The following SWT1 variants were observed in gnomAD, a reference collection of about 807,000 sequenced individuals.
SWT1 encodes the protein SWT1 RNA endoribonuclease homolog.
SWT1 carries 33 observed loss-of-function variants against 107.3 expected under a neutral mutation model. That is an observed-to-expected ratio of 0.31 (90% confidence interval 0.23 to 0.41). SWT1 has a LOEUF of 0.41. Ranked by LOEUF, SWT1 falls within the 10% of genes least tolerant of loss-of-function variation. The pLI is 1.00. For missense variants in SWT1, 898 were observed against 1,028.9 expected (o/e 0.87, Z 1.74); for synonymous variants, 345 against 348.3 (o/e 0.99, Z 0.11).
chr1:185,270,100 T>C (rs1184736770), intron 16 of SWT1, among the ~76,000 whole-genome samples: 2 of 152,182 alleles, frequency 1.3e-5, no homozygotes, highest in Non-Finnish European at 2.9e-5. Context: ...TTATAGTAAT[T>C]AATTTAATTC....
At position 185,202,951 on chromosome 1, in the gene SWT1, G is replaced by C. The variant is rs559513847; in HGVS notation, c.1669+152G>C. ...TGGCATGTAAGTCATTGAATAAATG[G>C]AAGTTATGATGGTAATCCAAAAGAA... On this transcript the variant is annotated intron_variant, in intron 11 of 18. Coordinates refer to ENST00000367500, the MANE Select transcript of SWT1 (RefSeq NM_017673.7). 87 of 445,318 alleles carry C rather than the reference G, an allele frequency of 2.0e-4. 1 individual carries two copies. Among genetic ancestry groups the C allele is most frequent in the Non-Finnish European group, 3.2e-4 (82 of 258,834 alleles). The allele number at this position is 445,318 out of a possible 1,614,324, so 27.6% of individuals were successfully genotyped here. A position where few individuals can be genotyped will look rare whatever the true frequency, so the allele number is the denominator to read the frequency against.
rs144232978 is a variant in SWT1 at position 185,286,831 on chromosome 1, T to C, written c.2574-3843T>C. ...CTGGCTAGAACTTCTAGTACAATGTTGAATAGTACAAAGTTGTACAAAGTT... is the reference window on the plus strand; with the variant it reads ...CTGGCTAGAACTTCTAGTACAATGTCGAATAGTACAAAGTTGTACAAAGTT... On this transcript the variant is annotated intron_variant, in intron 18 of 18. Coordinates refer to ENST00000367500, the MANE Select transcript of SWT1 (RefSeq NM_017673.7). Among the ~76,000 whole-genome samples the C allele has an allele frequency of 1.7e-3, 257 of 152,286 alleles. 2 individuals are homozygous for C. The Middle Eastern group carries it at 0.017, about 10-fold the overall frequency.
chr1:185,166,256 G>A (rs754939633), intron 2 of SWT1, among the ~76,000 whole-genome samples: 5 of 152,214 alleles, frequency 3.3e-5, no homozygotes, highest in Non-Finnish European at 7.3e-5. Flanking sequence ...GTGGATGTGT[G>A]GTTTTGCATT....
rs1665217752 is a variant in SWT1 at position 185,290,903 on chromosome 1, A to G, written c.*100A>G. 9.8e-7 allele frequency: 1 copy of G among 1,023,236 alleles called. No homozygotes were observed. Among genetic ancestry groups the G allele is most frequent in the Non-Finnish European group, 1.4e-6 (1 of 722,530 alleles). 63.4% of individuals were successfully genotyped at this position (1,023,236 alleles called of 1,614,324 possible). ...TTTGGGCCAAACCCAAGAGAATTTT[A>G]AGAAATGTTTCATAGGTATAAAAAG... On this transcript the variant is annotated 3_prime_UTR_variant, in exon 19 of 19. Transcript: ENST00000367500.
At chr1:185,274,194 T>A (rs969418787) in intron 17 of SWT1, among the ~76,000 whole-genome samples, 4 of 150,734 alleles carry the variant, frequency 2.7e-5, no homozygotes, top group Non-Finnish European at 5.9e-5. Context: ...AAGAAAAAAA[T>A]TTAAAAATTA....
chr1:185,271,845 C>T (rs925294593), intron 17 of SWT1, among the ~76,000 whole-genome samples: 3 of 152,164 alleles, frequency 2.0e-5, no homozygotes, highest in South Asian at 2.1e-4. Flanking sequence ...ATCCCCTCCT[C>T]CCTGCCAGTG....
At position 185,196,554 on chromosome 1, in the gene SWT1, G is replaced by C. The variant is rs574285898; in HGVS notation, c.1523+5912G>C. 2.6e-5 allele frequency among the ~76,000 whole-genome samples: 4 copies of C among 152,248 alleles called. No individual in the cohort carries two copies. The South Asian group carries it at 8.3e-4, about 32-fold the overall frequency. On this transcript the variant is annotated intron_variant, in intron 10 of 18. Transcript: ENST00000367500. ...ATGGTAGCTTGATCAGGATAGCATTGAATCAATAAATTACTTTGGGCATTG... is the reference window on the plus strand; with the variant it reads ...ATGGTAGCTTGATCAGGATAGCATTCAATCAATAAATTACTTTGGGCATTG...
At position 185,177,690 on chromosome 1, in the gene SWT1, G is replaced by A. The variant is rs377187737; in HGVS notation, c.966+2577G>A. Among the ~76,000 whole-genome samples the A allele has an allele frequency of 2.0e-5, 3 of 152,086 alleles. No homozygotes were observed. The East Asian group carries it at 5.8e-4, about 29-fold the overall frequency. On this transcript the variant is annotated intron_variant, in intron 5 of 18. Coordinates refer to ENST00000367500, the MANE Select transcript of SWT1 (RefSeq NM_017673.7). ...AGTATACTTTACAAGGAAAATAATT[G>A]TATTTTCTTTTTCTGGATTTAGTTA... is the stretch of plus-strand genomic sequence containing the variant.
rs150666135 is a variant in SWT1, at chr1:185,260,148, G to C, written c.2442-11175G>C. ...ATGATGGCTTAGGTGGTACCAAATA[G>C]ATAAGGGAAATCATCCTTAAGCCCA... On this transcript the variant is annotated intron_variant, in intron 16 of 18. Transcript: ENST00000367500. Among the ~76,000 whole-genome samples, 9 of 152,238 alleles carry C rather than the reference G, an allele frequency of 5.9e-5. No individual in the cohort carries two copies. The East Asian group carries it at 1.7e-3, about 29-fold the overall frequency.
At chr1:185,287,859 T>C (rs1024504182) in intron 18 of SWT1, among the ~76,000 whole-genome samples, 2 of 152,206 alleles carry the variant, frequency 1.3e-5, no homozygotes, top group African/African-American at 4.8e-5. Context: ...GATAATCCAT[T>C]GTCCAGAATA....
At chr1:185,281,245 C>A in intron 18 of SWT1, 1 of 213,912 alleles carries the variant, frequency 4.7e-6, no homozygotes, top group Non-Finnish European at 9.5e-6. Context: ...TGATGTGAAA[C>A]CCAAGGACCT....
At chr1:185,206,458 T>A (rs1440238724) in intron 12 of SWT1, among the ~76,000 whole-genome samples, 167 bp from the exon 13 acceptor site, 1 of 152,214 alleles carries the variant, frequency 6.6e-6, no homozygotes, top group African/African-American at 2.4e-5. Context: ...CAATTTGCAA[T>A]GGAATTAGCA....
chr1:185,214,431 T>TATTTGGA, intron 13 of SWT1, 76 bp from the exon 14 acceptor site: 1 of 1,141,078 alleles, frequency 8.8e-7, no homozygotes, highest in Non-Finnish European at 1.2e-6. Context: ...TCAAAATTAA[T>TATTTGGA]ATTAGTGTTC....
At chr1:185,196,914 T>A (rs1372572924) in intron 10 of SWT1, among the ~76,000 whole-genome samples, 1 of 152,208 alleles carries the variant, frequency 6.6e-6, no homozygotes, top group Non-Finnish European at 1.5e-5. Context: ...ACAATTTGAC[T>A]TCTTCTCTTC....
At chr1:185,179,241 C>G (rs962470133) in intron 5 of SWT1, among the ~76,000 whole-genome samples, 4 of 152,074 alleles carry the variant, frequency 2.6e-5, no homozygotes, top group African/African-American at 7.2e-5. Context: ...TACACTCCAC[C>G]CTGGGCAACA....
At chr1:185,225,598 T>C (rs937074729) in intron 15 of SWT1, among the ~76,000 whole-genome samples, 2 of 152,190 alleles carry the variant, frequency 1.3e-5, no homozygotes, top group African/African-American at 4.8e-5. Flanking sequence ...ATATTTAACA[T>C]TGTGTTACAA....
At chr1:185,222,731 C>T (rs1659757058) in intron 15 of SWT1, among the ~76,000 whole-genome samples, 1 of 141,422 alleles carries the variant, frequency 7.1e-6, no homozygotes, top group South Asian at 2.2e-4. Flanking sequence ...CCACTGCACT[C>T]CAGCCTGGGT....
chr1:185,163,260 C>T (rs1336762618), intron 2 of SWT1, among the ~76,000 whole-genome samples: 1 of 152,096 alleles, frequency 6.6e-6, no homozygotes, highest in African/African-American at 2.4e-5. Flanking sequence ...CTCTCAAACC[C>T]TATGTAATAT....
chr1:185,258,523 T>C (rs1327585195), intron 16 of SWT1, among the ~76,000 whole-genome samples: 2 of 152,184 alleles, frequency 1.3e-5, no homozygotes, highest in Non-Finnish European at 2.9e-5. Flanking sequence ...GAAGATCTTT[T>C]AATGGTAAAT....
Sources: allele counts gnomAD v4.1 joint callset (sites outside exome capture counted in the v4.1 genomes callset), GRCh38; gene constraint gnomAD v4.1.1; transcripts MANE v1.5; gene names NCBI Gene and HGNC (gene_info 2026-07-23, HGNC 2026-07-21).